SLIT3: variants seen among roughly 807,000 people sequenced by gnomAD.
The protein encoded by SLIT3 is slit homolog 3 protein.
Under a neutral mutation model 184.0 loss-of-function variants are expected in SLIT3, and 68 were observed. That is an observed-to-expected ratio of 0.37 (90% CI 0.30 to 0.45). The LOEUF (loss-of-function observed/expected upper bound fraction) is 0.45. Ranked by LOEUF, SLIT3 falls within the 20% of genes least tolerant of loss-of-function variation. The pLI is 1.00. For synonymous variants in SLIT3, 831 were observed against 828.6 expected, an observed-to-expected ratio of 1.00 and a Z score of -0.05; for missense variants, 1,707 against 2,026.0, an observed-to-expected ratio of 0.84 and a Z score of 3.02.
chr5:168,732,339 C>A (rs1317162647), intron 20 of SLIT3, among the ~76,000 whole-genome samples: 2 of 152,088 alleles, frequency 1.3e-5, no homozygotes, highest in Non-Finnish European at 2.9e-5. Context: ...AAAAACATCC[C>A]ATGCTCATGG....
At chr5:168,751,728 CTTT>C (rs373074911) in intron 18 of SLIT3, among the ~76,000 whole-genome samples, 23,939 of 143,696 alleles carry the variant, frequency 0.17, 2,686 homozygotes, top group African/African-American at 0.34. Context: ...CCAGTGACAT[CTTT>C]TTTTTTTTTT....
intron 29 of SLIT3, among the ~76,000 whole-genome samples, chr5:168,691,568 A>G (rs888884655): frequency 6.6e-6 from 1 of 152,220 alleles, no homozygotes; most frequent in Admixed American, 6.5e-5. Flanking sequence ...TCATCAGCAC[A>G]GGCATGGAGC....
At chr5:169,011,085 C>G (rs1278459072) in intron 4 of SLIT3, among the ~76,000 whole-genome samples, 1 of 152,098 alleles carries the variant, frequency 6.6e-6, no homozygotes, top group African/African-American at 2.4e-5. Flanking sequence ...GACTCTAAGT[C>G]TATAAGGGCC....
chr5:169,062,337 T>C (rs1274204940), intron 4 of SLIT3, among the ~76,000 whole-genome samples: 1 of 152,250 alleles, frequency 6.6e-6, no homozygotes, highest in African/African-American at 2.4e-5. Context: ...TTAGTGCTTA[T>C]TAAGGCTTTG....
chr5:168,778,616 G>A (rs1196122671), intron 12 of SLIT3, among the ~76,000 whole-genome samples: 2 of 152,224 alleles, frequency 1.3e-5, no homozygotes, highest in African/African-American at 4.8e-5. Flanking sequence ...GCATCTGTAC[G>A]AGGCAAGGCT....
chr5:168,739,228 T>C (rs1489943948), intron 20 of SLIT3, among the ~76,000 whole-genome samples: 1 of 152,054 alleles, frequency 6.6e-6, no homozygotes, highest in Non-Finnish European at 1.5e-5. Flanking sequence ...ATGGGGAAAG[T>C]TCCATTCAAA....
chr5:168,685,716 C>A lies in SLIT3; in HGVS notation c.3526G>T (p.Val1176Phe), dbSNP rs143177032. ...DSYVELASAK[V>F]RPQANISLQV... ...AGGGAGATGTTGGCCTGGGGTCGGA[C>A]CTTGGCGGAGGCCAGTTCCACGTAG... Residue 1176 changes from valine (V) to phenylalanine (F), a missense_variant, in exon 31 of 36, where the codon GTC becomes TTC. Coordinates refer to ENST00000519560, the MANE Select transcript of SLIT3 (RefSeq NM_003062.4). The A allele has an allele frequency of 3.8e-6, 6 of 1,574,270 alleles. No individual in the cohort carries two copies. Among genetic ancestry groups the A allele is most frequent in the East Asian group, 4.5e-5 (2 of 44,312 alleles).
At chr5:169,224,775 C>T (rs1764744676) in intron 3 of SLIT3, among the ~76,000 whole-genome samples, 1 of 152,158 alleles carries the variant, frequency 6.6e-6, no homozygotes, top group African/African-American at 2.4e-5. Flanking sequence ...CAGCCTCTGC[C>T]TCCAGGGTTC....
At chr5:168,747,426 T>C (rs1754516295) in intron 20 of SLIT3, among the ~76,000 whole-genome samples, 1 of 152,172 alleles carries the variant, frequency 6.6e-6, no homozygotes, top group Non-Finnish European at 1.5e-5. Context: ...GAGTACTTCA[T>C]ACCTGAGAAA....
chr5:168,747,337 C>T (rs544969056), intron 20 of SLIT3, among the ~76,000 whole-genome samples: 1 of 152,336 alleles, frequency 6.6e-6, no homozygotes, highest in Non-Finnish European at 1.5e-5. Flanking sequence ...TGAATGTCTG[C>T]CTTCCTTAAT....
chr5:169,201,399 C>A (rs1375315362), intron 3 of SLIT3, among the ~76,000 whole-genome samples: 1 of 152,020 alleles, frequency 6.6e-6, no homozygotes, highest in Non-Finnish European at 1.5e-5. Flanking sequence ...TATGTAATAG[C>A]AAAACATGTA....
At chr5:168,824,774 A>G (rs1424547153) in intron 6 of SLIT3, among the ~76,000 whole-genome samples, 1 of 152,018 alleles carries the variant, frequency 6.6e-6, no homozygotes, top group Non-Finnish European at 1.5e-5. Flanking sequence ...TCCCTTACTC[A>G]ACAATCCAAT....
At chr5:168,911,098 C>A (rs1047050946) in intron 4 of SLIT3, among the ~76,000 whole-genome samples, 1 of 152,218 alleles carries the variant, frequency 6.6e-6, no homozygotes, top group African/African-American at 2.4e-5. Context: ...CCAGCCTCCT[C>A]TCTCTGCCTG....
chr5:168,839,375 G>T (rs1758163512), intron 6 of SLIT3, among the ~76,000 whole-genome samples: 1 of 152,172 alleles, frequency 6.6e-6, no homozygotes, highest in African/African-American at 2.4e-5. Flanking sequence ...TAAATTGGTA[G>T]GGGTCAGTGG....
intron 4 of SLIT3, 61 bp from the exon 5 acceptor site, chr5:168,883,397 C>T (rs574827557): frequency 2.0e-5 from 25 of 1,279,182 alleles, no homozygotes; most frequent in East Asian, 1.6e-4. Flanking sequence ...ATCTGCATCT[C>T]ATTAAATGAT....
intron 4 of SLIT3, among the ~76,000 whole-genome samples, chr5:168,969,142 A>T (rs953456970): frequency 6.6e-6 from 1 of 152,186 alleles, no homozygotes; most frequent in Non-Finnish European, 1.5e-5. Flanking sequence ...GAGAGGAACA[A>T]AGTCACGTGA....
Position 168,789,638 on chromosome 5 carries a change from A to C in SLIT3, c.1008-7T>G, listed in dbSNP as rs1756284792. ...CTGATTCTTGCTGATGTCTCTGAAA[A>C]CGTTAACGGTAAAGTCTGAGAACAT... On this transcript the variant is annotated splice_polypyrimidine_tract_variant and splice_region_variant and intron_variant, in intron 10 of 35. Transcript: ENST00000519560. 1 of 1,611,628 alleles carries C rather than the reference A, an allele frequency of 6.2e-7. No homozygotes were observed. The highest frequency in any genetic ancestry group is 1.3e-5 in the African/African-American group (1 of 74,840).
At chr5:168,985,843 G>T (rs896415263) in intron 4 of SLIT3, among the ~76,000 whole-genome samples, 10 of 151,906 alleles carry the variant, frequency 6.6e-5, no homozygotes, top group Admixed American at 1.3e-4. Context: ...ATGATGGCGG[G>T]GGGTAGGAAG....
intron 4 of SLIT3, among the ~76,000 whole-genome samples, chr5:168,963,015 C>T (rs1763069394): frequency 6.6e-6 from 1 of 152,214 alleles, no homozygotes. Context: ...AATGATCATA[C>T]ATGGTCATTA....
Sources: gnomAD v4.1 joint callset for allele counts (sites outside exome capture counted in the v4.1 genomes callset) on GRCh38, gnomAD v4.1.1 for gene constraint, MANE v1.5 for transcripts, NCBI Gene and HGNC (gene_info 2026-07-23, HGNC 2026-07-21) for gene names.